MLPH: variants seen among roughly 807,000 people sequenced by gnomAD.
MLPH encodes exophilin-3.
MLPH carries 51 observed loss-of-function variants against 72.1 expected under a neutral mutation model. That is an observed-to-expected ratio of 0.71 (90% confidence interval 0.56 to 0.89). MLPH has a LOEUF of 0.89. MLPH is among the 40% of genes least tolerant of loss of function. The pLI is 0.00. For missense variants in MLPH, 743 were observed against 759.9 expected (o/e 0.98, Z 0.26); for synonymous variants, 301 against 310.1 (o/e 0.97, Z 0.31).
At chr2:237,490,007 A>G (rs1299685908) in intron 1 of MLPH, among the ~76,000 whole-genome samples, 3 of 152,148 alleles carry the variant, frequency 2.0e-5, no homozygotes, top group Non-Finnish European at 4.4e-5. Context: ...GCTGTCTCCA[A>G]TGTTTAAAAT....
At chr2:237,501,141 T>G (rs554977678) in intron 2 of MLPH, among the ~76,000 whole-genome samples, 1 of 152,258 alleles carries the variant, frequency 6.6e-6, no homozygotes, top group African/African-American at 2.4e-5. Context: ...ATTTCCTTGT[T>G]AGTGTCTTAT....
intron 1 of MLPH, among the ~76,000 whole-genome samples, chr2:237,487,900 G>A (rs2079351067): frequency 6.6e-6 from 1 of 152,134 alleles, no homozygotes; most frequent in Admixed American, 6.5e-5. Context: ...CTTCCTCTGG[G>A]CGTCTAAAAG....
At chr2:237,500,219 C>G (rs368320347) in intron 2 of MLPH, among the ~76,000 whole-genome samples, 1 of 152,274 alleles carries the variant, frequency 6.6e-6, no homozygotes, top group African/African-American at 2.4e-5. Flanking sequence ...TTCGCAGGGT[C>G]GAGGGCCCTG....
intron 9 of MLPH, among the ~76,000 whole-genome samples, chr2:237,539,375 C>T (rs187230656): frequency 4.1e-4 from 63 of 152,308 alleles, no homozygotes; most frequent in Non-Finnish European, 6.9e-4. Flanking sequence ...AAAGAGGGGT[C>T]ATGATGTCTG....
chr2:237,500,687 C>A (rs1196728232), intron 2 of MLPH, among the ~76,000 whole-genome samples: 1 of 152,056 alleles, frequency 6.6e-6, no homozygotes, highest in Non-Finnish European at 1.5e-5. Flanking sequence ...TCTCCTCCAC[C>A]TCCAAGCACC....
At chr2:237,542,425 CT>C in intron 11 of MLPH, 141 bp from the exon 12 acceptor site, 1 of 724,476 alleles carries the variant, frequency 1.4e-6, no homozygotes, top group Non-Finnish European at 2.5e-6. Flanking sequence ...GGGCATGGGG[CT>C]GTGATGCCAA....
chr2:237,489,786 A>G (rs1445287683), intron 1 of MLPH, among the ~76,000 whole-genome samples: 1 of 152,216 alleles, frequency 6.6e-6, no homozygotes, highest in Non-Finnish European at 1.5e-5. Flanking sequence ...TTCTTCATCC[A>G]GGAGGAACCC....
intron 9 of MLPH, among the ~76,000 whole-genome samples, chr2:237,535,225 G>A (rs574304201): frequency 6.6e-6 from 1 of 152,274 alleles, no homozygotes; most frequent in South Asian, 2.1e-4. Context: ...CAGAAAGCAA[G>A]ATGGAACTGA....
chr2:237,539,664 C>A (rs1281464096), intron 9 of MLPH, among the ~76,000 whole-genome samples: 1 of 152,180 alleles, frequency 6.6e-6, no homozygotes, highest in Non-Finnish European at 1.5e-5. Context: ...TGGAACTAGA[C>A]CCTTTAAGGA....
chr2:237,524,637 A>G (rs1266394745), intron 6 of MLPH, among the ~76,000 whole-genome samples: 1 of 152,180 alleles, frequency 6.6e-6, no homozygotes, highest in African/African-American at 2.4e-5. Flanking sequence ...CCTCACAGAC[A>G]CAGCCAGGAA....
chr2:237,546,687 T>G lies in MLPH; in HGVS notation c.1617+4T>G, dbSNP rs2080925217. On this transcript the variant is annotated splice_donor_region_variant and intron_variant, in intron 13 of 15. Coordinates refer to ENST00000264605, the MANE Select transcript of MLPH (RefSeq NM_024101.7). ...AGACCCTTCAAGTGAGGCCAAGGTA[T>G]GTGTTACTCCATTCAAGCCCCAGAC... The G allele has an allele frequency of 1.2e-6, 2 of 1,613,286 alleles. No homozygotes were observed. Among genetic ancestry groups the G allele is most frequent in the Non-Finnish European group, 1.7e-6 (2 of 1,179,212 alleles).
rs148787507 is a variant in MLPH at position 237,554,865 on chromosome 2, C to A, written c.*1273C>A. On this transcript the variant is annotated 3_prime_UTR_variant, in exon 16 of 16. Coordinates refer to ENST00000264605, the MANE Select transcript of MLPH (RefSeq NM_024101.7). ...CTGATACTCCTGCAACTTCAGGAGA[C>A]CTGTGAGCACACATTAGCAGCTGTT... The A allele has an allele frequency of 5.3e-5, 8 of 152,312 alleles. 1 individual carries two copies. The highest frequency in any genetic ancestry group is 1.9e-4 in the African/African-American group (8 of 41,570). 9.4% of individuals were successfully genotyped at this position (152,312 alleles called of 1,614,324 possible). A position where few individuals can be genotyped will look rare whatever the true frequency, so the allele number is the denominator to read the frequency against.
At chr2:237,530,131 A>C (rs2080389223) in intron 8 of MLPH, among the ~76,000 whole-genome samples, 1 of 152,228 alleles carries the variant, frequency 6.6e-6, no homozygotes, top group African/African-American at 2.4e-5. Flanking sequence ...CCAGCTCTTC[A>C]GCCACAGGGC....
In MLPH at chr2:237,510,938, G is replaced by T. The variant is rs774392293; in HGVS notation, c.333-51G>T. On this transcript the variant is annotated intron_variant, in intron 3 of 15. Transcript: ENST00000264605. The surrounding 1 kb of genome is among the most constrained non-coding windows in gnomAD (Gnocchi z 4.4). ...GTGTGTGTGTGTGAGATTTATGCAG[G>T]CCTGTGTACAGCACTCAGGCAGTGC... The T allele has an allele frequency of 6.5e-7, 1 of 1,541,728 alleles. No homozygotes were observed.
At chr2:237,528,607 T>G (rs2080355150) in intron 8 of MLPH, among the ~76,000 whole-genome samples, 1 of 152,108 alleles carries the variant, frequency 6.6e-6, no homozygotes, top group African/African-American at 2.4e-5. Context: ...CACCTTGGCC[T>G]CCCAAAGTGC....
chr2:237,515,881 CCA>C (rs1445634388), intron 4 of MLPH, among the ~76,000 whole-genome samples: 1 of 152,180 alleles, frequency 6.6e-6, no homozygotes, highest in East Asian at 1.9e-4. Context: ...CTTCCTTTTC[CCA>C]CTCTCACTCA....
In MLPH at chr2:237,512,194, G is replaced by C. The variant is rs1029088839; in HGVS notation, c.445+1093G>C. Among the ~76,000 whole-genome samples, 4 of 152,200 alleles carry C rather than the reference G, an allele frequency of 2.6e-5. No homozygotes were observed. Among genetic ancestry groups the C allele is most frequent in the African/African-American group, 9.7e-5 (4 of 41,416 alleles). On this transcript the variant is annotated intron_variant, in intron 4 of 15. Coordinates refer to ENST00000264605, the MANE Select transcript of MLPH (RefSeq NM_024101.7). This position sits in a 1 kb window ranked among gnomAD's most constrained non-coding sequence, Gnocchi z 5.5. ...TGCCCCAGCCCAGGCGTCTCCCCCA[G>C]GCCTTCCTTCTGGAGAGACACCTTA... is the stretch of plus-strand genomic sequence containing the variant.
intron 4 of MLPH, among the ~76,000 whole-genome samples, chr2:237,516,477 G>T (rs2080020133): frequency 6.6e-6 from 1 of 152,202 alleles, no homozygotes; most frequent in Non-Finnish European, 1.5e-5. Flanking sequence ...AATGCTATGA[G>T]CCTGCAGGTG....
At chr2:237,506,809 A>G (rs1019154739) in intron 2 of MLPH, among the ~76,000 whole-genome samples, 10 of 152,160 alleles carry the variant, frequency 6.6e-5, no homozygotes, top group African/African-American at 2.4e-4. Flanking sequence ...ATAAGACAAT[A>G]TGAGGGGTGG....
Sources: allele counts gnomAD v4.1 joint callset (sites outside exome capture counted in the v4.1 genomes callset), GRCh38; gene constraint gnomAD v4.1.1; non-coding constraint Gnocchi (gnomAD v3.1); transcripts MANE v1.5; gene names NCBI Gene and HGNC (gene_info 2026-07-23, HGNC 2026-07-21).